The following CD101 variants were observed in gnomAD, a reference collection of about 807,000 sequenced individuals.
CD101 encodes the protein CD101 molecule.
In CD101, 76 loss-of-function variants were observed where a neutral mutation model predicts 98.2. The observed-to-expected ratio is 0.77, with a 90% CI of 0.64 to 0.94. CD101 has a LOEUF of 0.94. CD101 is among the 40% of genes least tolerant of loss of function. CD101 has a pLI of 0.00. For missense variants in CD101, 1,145 were observed against 1,218.8 expected (o/e 0.94, Z 0.90); for synonymous variants, 471 against 472.7 (o/e 1.00, Z 0.05).
chr1:117,010,127 C>T lies in CD101; in HGVS notation c.321C>T (p.His107=). Residue 107 remains histidine (H), a synonymous_variant, in exon 2 of 10, where the codon CAC becomes CAT. Coordinates refer to ENST00000682167, the MANE Select transcript of CD101 (RefSeq NM_001256106.3). The surrounding 1 kb of genome is among the most constrained non-coding windows in gnomAD (Gnocchi z 5.2). ...ERVQGNSVLL[H]ISKLQMKDAG... is the part of the protein sequence containing the mutation. ...TCCAGGGCAACTCAGTCTTGTTGCA[C>T]ATCTCAAAACTCCAGATGAAGGATG... 6.2e-7 allele frequency: 1 copy of T among 1,614,224 alleles called. No homozygotes were observed. The highest frequency in any genetic ancestry group is 1.3e-5 in the African/African-American group (1 of 75,064).
At chr1:117,002,139 CT>C (rs2101106819) in intron 1 of CD101, among the ~76,000 whole-genome samples, 1 of 152,266 alleles carries the variant, frequency 6.6e-6, no homozygotes, top group South Asian at 2.1e-4. Flanking sequence ...TTGGCCCTGG[CT>C]TTACTCATCT....
intron 6 of CD101, among the ~76,000 whole-genome samples, chr1:117,020,468 C>T (rs533062796): frequency 6.6e-6 from 1 of 152,318 alleles, no homozygotes; most frequent in East Asian, 1.9e-4. Context: ...CGCTTGAGCA[C>T]AGGAAGTGGA....
At chr1:117,026,583 G>T (rs1027538560) in intron 8 of CD101, 1 of 152,078 alleles carries the variant, frequency 6.6e-6, no homozygotes, top group South Asian at 2.1e-4. Flanking sequence ...AGCACATTCC[G>T]TACATGTTTT....
In CD101 at chr1:117,004,988, CTG is replaced by C. The variant is rs899288079; in HGVS notation, c.43+3132_43+3133del. On this transcript the variant is annotated intron_variant, in intron 1 of 9. Coordinates refer to ENST00000682167, the MANE Select transcript of CD101 (RefSeq NM_001256106.3). The surrounding 1 kb of genome is among the most constrained non-coding windows in gnomAD (Gnocchi z 4.1). ...GCCTGTTCCTCATAGCACCTTCTAA[CTG>C]TGTCCTCACGTGGCAGAAGGGGCTA... Among the ~76,000 whole-genome samples the C allele has an allele frequency of 5.9e-5, 9 of 152,098 alleles. No individual in the cohort carries two copies. Among genetic ancestry groups the C allele is most frequent in the African/African-American group, 1.4e-4 (6 of 41,394 alleles).
intron 4 of CD101, among the ~76,000 whole-genome samples, chr1:117,016,319 C>T (rs1369525910): frequency 3.3e-5 from 5 of 151,488 alleles, no homozygotes; most frequent in Non-Finnish European, 7.4e-5. Context: ...GTTTCTTCCT[C>T]ATTCAAAACA....
At chr1:117,020,795 T>C (rs1166141651) in intron 6 of CD101, among the ~76,000 whole-genome samples, 1 of 152,150 alleles carries the variant, frequency 6.6e-6, no homozygotes, top group East Asian at 1.9e-4. Context: ...CATAATATAG[T>C]GTGTGCTTCA....
chr1:117,001,876 C>CT lies in CD101; in HGVS notation c.43+19dup. 6.2e-7 allele frequency: 1 copy of CT among 1,613,142 alleles called. No homozygotes were observed. Among genetic ancestry groups the CT allele is most frequent in the Non-Finnish European group, 8.5e-7 (1 of 1,179,158 alleles). Reference sequence around the variant, plus strand: ...CTCCTTCTGAGTAAGTTTCATAATCCTTTATGTTTCTCTTGTCACAGGAGT... The same window carrying CT: ...CTCCTTCTGAGTAAGTTTCATAATCCTTTTATGTTTCTCTTGTCACAGGAGT... On this transcript the variant is annotated intron_variant, in intron 1 of 9. Transcript: ENST00000682167.
chr1:117,006,731 C>T lies in CD101; in HGVS notation c.44-3119C>T, dbSNP rs1652554895. 1.3e-5 allele frequency among the ~76,000 whole-genome samples: 2 copies of T among 151,938 alleles called. No homozygotes were observed. Among genetic ancestry groups the T allele is most frequent in the South Asian group, 4.2e-4 (2 of 4,818 alleles). ...ATTTCCCTCCCCTCAAAATGTAGTC[C>T]CTCTTCAAAATTTTTGAAGCACTTT... On this transcript the variant is annotated intron_variant, in intron 1 of 9. Transcript: ENST00000682167. This position sits in a 1 kb window ranked among gnomAD's most constrained non-coding sequence, Gnocchi z 4.4.
chr1:117,016,203 T>A (rs1653209364), intron 4 of CD101, among the ~76,000 whole-genome samples: 1 of 147,862 alleles, frequency 6.8e-6, no homozygotes, highest in African/African-American at 2.5e-5. Flanking sequence ...TATATATATT[T>A]ATTTATATAT....
chr1:117,017,550 A>G, intron 5 of CD101, 77 bp downstream of exon 5: 4 of 1,442,840 alleles, frequency 2.8e-6, no homozygotes, highest in Non-Finnish European at 3.8e-6. Context: ...ATTGCGTGTT[A>G]TCCTGAATCC....
At chr1:117,029,069 A>G (rs977014571) in intron 8 of CD101, among the ~76,000 whole-genome samples, 1 of 150,642 alleles carries the variant, frequency 6.6e-6, no homozygotes, top group African/African-American at 2.4e-5. Context: ...GAGAGAGAGA[A>G]AGGAAGGAAG....
Position 117,002,051 on chromosome 1 carries a change from C to T in CD101, c.43+191C>T, listed in dbSNP as rs191707232. Among the ~76,000 whole-genome samples, 36 of 152,284 alleles carry T rather than the reference C, an allele frequency of 2.4e-4. 1 individual carries two copies. The highest frequency in any genetic ancestry group is 2.1e-3 in the East Asian group (11 of 5,182). On this transcript the variant is annotated intron_variant, in intron 1 of 9. Transcript: ENST00000682167. ...GACATCCTTGAGTTCCAGGGAGTCACAATGCTTGGTTGAGTCCCATGCACA... is the reference window on the plus strand; with the variant it reads ...GACATCCTTGAGTTCCAGGGAGTCATAATGCTTGGTTGAGTCCCATGCACA...
At chr1:117,002,842 A>C (rs1652317253) in intron 1 of CD101, among the ~76,000 whole-genome samples, 1 of 152,236 alleles carries the variant, frequency 6.6e-6, no homozygotes, top group South Asian at 2.1e-4. Context: ...ATGTGATATG[A>C]AGATATCTGT....
chr1:117,021,753 C>T lies in CD101; in HGVS notation c.2198C>T (p.Thr733Ile). ...CTAAAGATCCTGGAGATGGACCAAA[C>T]CAATGTTATAAAAACTGGGGATGAG... is the stretch of plus-strand genomic sequence containing the variant. ...SWLKILEMDQ[T>I]NVIKTGDEFH... is the part of the protein sequence containing the mutation. The change falls in exon 7 of 10, where the codon ACC becomes ATC. Residue 733 changes from threonine (T) to isoleucine (I), a missense_variant. Thr to Ile is a moderately conservative substitution (Grantham distance 89). Coordinates refer to ENST00000682167, the MANE Select transcript of CD101 (RefSeq NM_001256106.3). This position sits in a 1 kb window ranked among gnomAD's most constrained non-coding sequence, Gnocchi z 4.7. 6.2e-7 allele frequency: 1 copy of T among 1,614,032 alleles called. No individual in the cohort carries two copies. The highest frequency in any genetic ancestry group is 8.5e-7 in the Non-Finnish European group (1 of 1,179,982).
chr1:117,034,964 G>A (rs1356079903), intron 9 of CD101, among the ~76,000 whole-genome samples: 1 of 152,184 alleles, frequency 6.6e-6, no homozygotes, highest in East Asian at 1.9e-4. Context: ...GGAAGGTATT[G>A]TCTGGAGGAG....
chr1:117,018,508 C>A lies in CD101; in HGVS notation c.1965C>A (p.Pro655=). Residue 655 remains proline (P), a synonymous_variant, in exon 6 of 10, where the codon CCC becomes CCA. Transcript: ENST00000682167. The surrounding 1 kb of genome is among the most constrained non-coding windows in gnomAD (Gnocchi z 4.3). ...YDRNSLYNNR[P]PRASAISHPL... is the part of the protein sequence containing the mutation. ...GAAATTCCCTATACAACAACCGCCC[C>A]CCGAGGGCTTCTGCCATCTCTCACC... 1.9e-6 allele frequency: 3 copies of A among 1,612,416 alleles called. No individual in the cohort carries two copies. The highest frequency in any genetic ancestry group is 2.5e-6 in the Non-Finnish European group (3 of 1,178,620).
In CD101 at chr1:117,004,097, T is replaced by C. The variant is rs1349784672; in HGVS notation, c.43+2237T>C. On this transcript the variant is annotated intron_variant, in intron 1 of 9. Coordinates refer to ENST00000682167, the MANE Select transcript of CD101 (RefSeq NM_001256106.3). This position sits in a 1 kb window ranked among gnomAD's most constrained non-coding sequence, Gnocchi z 4.1. The stretch of plus-strand genomic sequence containing the variant: ...AGCAGTTAGCTTTGTCTGCTTGATC[T>C]ATTTCCCCCACCCAAACTAGCTGCC... Among the ~76,000 whole-genome samples, 1 of 152,212 alleles carries C rather than the reference T, an allele frequency of 6.6e-6. No individual in the cohort carries two copies. The highest frequency in any genetic ancestry group is 1.5e-5 in the Non-Finnish European group (1 of 68,046).
chr1:117,021,639 T>A lies in CD101; in HGVS notation c.2084T>A (p.Ile695Lys). Residue 695 changes from isoleucine to lysine, a missense_variant, in exon 7 of 10, where the codon ATA becomes AAA. Coordinates refer to ENST00000682167, the MANE Select transcript of CD101 (RefSeq NM_001256106.3). The surrounding 1 kb of genome is among the most constrained non-coding windows in gnomAD (Gnocchi z 4.7). ...QELSINSNTD[I>K]ECSILSRSNG... Reference sequence around the variant, plus strand: ...CTCTCCATCAACTCCAACACTGATATAGAATGTAGCATCTTGTCCCGGTCC... The same window carrying A: ...CTCTCCATCAACTCCAACACTGATAAAGAATGTAGCATCTTGTCCCGGTCC... The A allele has an allele frequency of 6.2e-7, 1 of 1,613,814 alleles. No individual in the cohort carries two copies. The highest frequency in any genetic ancestry group is 8.5e-7 in the Non-Finnish European group (1 of 1,179,846).
rs1653293423 is a variant in CD101 at position 117,017,317 on chromosome 1, C to T, written c.1456C>T (p.Leu486=). The T allele has an allele frequency of 6.2e-7, 1 of 1,614,106 alleles. No homozygotes were observed. Among genetic ancestry groups the T allele is most frequent in the Admixed American group, 1.7e-5 (1 of 60,004 alleles). The change falls in exon 5 of 10, where the codon CTG becomes TTG. Residue 486 remains leucine (L), a synonymous_variant. Transcript: ENST00000682167. ...ACCCAGTTACCATGGCAACACAAGG[C>T]TGGAGAAAATGGACTGGGCCACCTT... ...GVPSYHGNTR[L]EKMDWATFQL... is the part of the protein sequence containing the mutation.
Sources: gnomAD v4.1 joint callset for allele counts (sites outside exome capture counted in the v4.1 genomes callset) on GRCh38, gnomAD v4.1.1 for gene constraint, Gnocchi (gnomAD v3.1) non-coding constraint, MANE v1.5 for transcripts, NCBI Gene and HGNC (gene_info 2026-07-23, HGNC 2026-07-21) for gene names.